MAP7D2: variants seen among roughly 807,000 people sequenced by gnomAD.
The protein encoded by MAP7D2 is MAP7 domain containing 2.
In MAP7D2, 33 loss-of-function variants were observed where a neutral mutation model predicts 63.5. The observed-to-expected ratio is 0.52, with a 90% CI of 0.39 to 0.70. The LOEUF is 0.70. Among genes scored for constraint, MAP7D2 ranks in the 30% least tolerant of loss-of-function variants. The pLI, the probability that MAP7D2 is intolerant of heterozygous loss-of-function variation, is 0.00. For missense variants in MAP7D2, 626 were observed against 604.0 expected, an observed-to-expected ratio of 1.04 and a Z score of -0.38; for synonymous variants, 224 against 223.7, an observed-to-expected ratio of 1.00 and a Z score of -0.01.
At chrX:20,026,157 G>A (rs1004012512) in intron 8 of MAP7D2, among the ~76,000 whole-genome samples, 14 of 110,986 alleles carry the variant, frequency 1.3e-4, no homozygotes, top group African/African-American at 4.6e-4. Context: ...TGGTGGAAAG[G>A]GAAACATTTT....
In MAP7D2 at chrX:20,044,409, T is replaced by C. The variant is rs753622811; in HGVS notation, c.834A>G (p.Ala278=). 1.2e-5 allele frequency: 15 copies of C among 1,211,542 alleles called. No individual in the cohort carries two copies. The highest frequency in any genetic ancestry group is 2.3e-4 in the Middle Eastern group (1 of 4,352). The part of the protein sequence containing the change: ...KKATSTSTSG[A]GDVGKEALSG... The stretch of plus-strand genomic sequence containing the variant: ...AAAGGGCTTCTTTCCCAACATCTCC[T>C]GCACCAGATGTAGACGTAGATGTAG... The change falls in exon 7 of 17, where the codon GCA becomes GCG. Residue 278 remains alanine (A), a synonymous_variant. Coordinates refer to ENST00000379643, the MANE Select transcript of MAP7D2 (RefSeq NM_001168465.2).
intron 1 of MAP7D2, among the ~76,000 whole-genome samples, chrX:20,071,978 T>C (rs2065514715): frequency 9.0e-6 from 1 of 110,925 alleles, no homozygotes; most frequent in Non-Finnish European, 1.9e-5. Flanking sequence ...ATTTGACCCT[T>C]GTCCTCTAAA....
chrX:20,025,417 A>G (rs2073804742), intron 9 of MAP7D2, among the ~76,000 whole-genome samples: 2 of 112,159 alleles, frequency 1.8e-5, no homozygotes, highest in Admixed American at 1.9e-4. Flanking sequence ...CGTGAGGTGC[A>G]GATGCAGGCC....
chrX:20,055,747 G>T, intron 4 of MAP7D2: 1 of 993,957 alleles, frequency 1.0e-6, no homozygotes, highest in Non-Finnish European at 1.3e-6. Context: ...TGGTGGACTC[G>T]GCAGCTGCGG....
intron 1 of MAP7D2, among the ~76,000 whole-genome samples, chrX:20,099,533 C>G (rs1174807696): frequency 8.9e-6 from 1 of 111,995 alleles, no homozygotes; most frequent in East Asian, 2.8e-4. Context: ...TCTGTGCCCA[C>G]CATCCTGTGT....
intron 8 of MAP7D2, among the ~76,000 whole-genome samples, chrX:20,041,064 A>G (rs1053174226): frequency 2.5e-4 from 28 of 111,962 alleles, no homozygotes; most frequent in African/African-American, 9.1e-4. Flanking sequence ...CTTGCAAGCT[A>G]GTATCCCTGC....
At position 20,012,447 on chromosome X, in the gene MAP7D2, C is replaced by T; in HGVS notation, c.1974G>A (p.Gly658=). 8.3e-7 allele frequency: 1 copy of T among 1,209,035 alleles called. No homozygotes were observed. Among genetic ancestry groups the T allele is most frequent in the Non-Finnish European group, 1.1e-6 (1 of 893,700 alleles). ...GAATGAGTCCCCCAGCTGGCTTAAG[C>T]CCATTAGAGAAAATGTCTTGGGGAT... The part of the protein sequence containing the change: ...ETYPQDIFSN[G]LKPAGGLIHL... The change falls in exon 15 of 17, where the codon GGG becomes GGA. Residue 658 remains glycine (G), a synonymous_variant. Coordinates refer to ENST00000379643, the MANE Select transcript of MAP7D2 (RefSeq NM_001168465.2).
Position 20,020,034 on chromosome X carries a change from T to C in MAP7D2, c.1413-3709A>G, listed in dbSNP as rs774990763. ...TGGACACAGTCCCAATTACCACTTTTCTCAATCTTCGTCATCTTCCTTAGT... is the reference window on the plus strand; with the variant it reads ...TGGACACAGTCCCAATTACCACTTTCCTCAATCTTCGTCATCTTCCTTAGT... On this transcript the variant is annotated intron_variant, in intron 10 of 16. Coordinates refer to ENST00000379643, the MANE Select transcript of MAP7D2 (RefSeq NM_001168465.2). Among the ~76,000 whole-genome samples, 3 of 112,201 alleles carry C rather than the reference T, an allele frequency of 2.7e-5. No homozygotes were observed. The East Asian group carries it at 8.3e-4, about 31-fold the overall frequency.
intron 1 of MAP7D2, among the ~76,000 whole-genome samples, chrX:20,101,069 A>C (rs184560069): frequency 9.0e-6 from 1 of 111,266 alleles, no homozygotes; most frequent in East Asian, 2.8e-4. Flanking sequence ...GGAAAGGACA[A>C]GGAAACAGAT....
rs960065702 is a variant in MAP7D2, at chrX:20,090,024, A to G, written c.131-25219T>C. Among the ~76,000 whole-genome samples the G allele has an allele frequency of 4.5e-5, 5 of 111,568 alleles. No homozygotes were observed. In the Admixed American group the frequency reaches 4.8e-4, roughly 11 times the overall value. On this transcript the variant is annotated intron_variant, in intron 1 of 16. Transcript: ENST00000379643. ...ATTCCCTTTTGCCTCTTTACAGTCA[A>G]TTCTATGCTATTTACAATGCTGGCT...
At chrX:20,101,407 T>C (rs1053212444) in intron 1 of MAP7D2, among the ~76,000 whole-genome samples, 1 of 112,216 alleles carries the variant, frequency 8.9e-6, no homozygotes, top group African/African-American at 3.2e-5. Flanking sequence ...CGATAAAAAC[T>C]AGAAACAAGC....
At position 20,026,593 on chromosome X, in the gene MAP7D2, G is replaced by A. The variant is rs1217716692; in HGVS notation, c.1008-641C>T. On this transcript the variant is annotated intron_variant, in intron 8 of 16. Transcript: ENST00000379643. Reference sequence around the variant, plus strand: ...TAAATGCCAAGGAACACAGCCAAGAGATGGGGATGGGGGGTGTTTTTTGGA... The same window carrying A: ...TAAATGCCAAGGAACACAGCCAAGAAATGGGGATGGGGGGTGTTTTTTGGA... 2.7e-5 allele frequency among the ~76,000 whole-genome samples: 3 copies of A among 112,359 alleles called. No homozygotes were observed. In the Admixed American group the frequency reaches 2.8e-4, roughly 11 times the overall value.
intron 1 of MAP7D2, among the ~76,000 whole-genome samples, chrX:20,066,058 G>A (rs779936824): frequency 9.1e-6 from 1 of 109,974 alleles, no homozygotes; most frequent in East Asian, 2.9e-4. Context: ...GAGTAGCTGG[G>A]ACTACAGGCG....
At chrX:20,094,923 A>G (rs1021003598) in intron 1 of MAP7D2, among the ~76,000 whole-genome samples, 5 of 109,037 alleles carry the variant, frequency 4.6e-5, no homozygotes, top group African/African-American at 1.7e-4. Context: ...GCCACTTTCT[A>G]GATTCTCCCT....
At position 20,056,809 on chromosome X, in the gene MAP7D2, G is replaced by A; in HGVS notation, c.373-18C>T. 4 of 1,193,649 alleles carry A rather than the reference G, an allele frequency of 3.4e-6. No homozygotes were observed. Among genetic ancestry groups the A allele is most frequent in the Non-Finnish European group, 4.5e-6 (4 of 880,843 alleles). On this transcript the variant is annotated intron_variant, in intron 3 of 16. Coordinates refer to ENST00000379643, the MANE Select transcript of MAP7D2 (RefSeq NM_001168465.2). The stretch of plus-strand genomic sequence containing the variant: ...AGCCGTTCCTACACAGTTCGTGTAA[G>A]GCAAGTGTTAACAAGATTAACTACC...
At chrX:20,111,300 A>G (rs898509593) in intron 1 of MAP7D2, among the ~76,000 whole-genome samples, 2 of 112,010 alleles carry the variant, frequency 1.8e-5, no homozygotes, top group Non-Finnish European at 3.8e-5. Flanking sequence ...GGAAGCTAAA[A>G]TGAACATGTG....
intron 8 of MAP7D2, among the ~76,000 whole-genome samples, chrX:20,038,869 A>G (rs1603366232): frequency 8.9e-6 from 1 of 112,224 alleles, no homozygotes; most frequent in Admixed American, 9.5e-5. Flanking sequence ...TGGAGGTAAG[A>G]AAGAGTATGC....
At chrX:20,015,984 TAAG>T in intron 11 of MAP7D2, 107 bp downstream of exon 11, 2 of 705,432 alleles carry the variant, frequency 2.8e-6, no homozygotes, top group Non-Finnish European at 4.3e-6. Flanking sequence ...CCAGACAGTT[TAAG>T]AAGAAACTTC....
intron 8 of MAP7D2, among the ~76,000 whole-genome samples, chrX:20,032,730 CA>C (rs2074092262): frequency 1.8e-5 from 2 of 112,205 alleles, no homozygotes; most frequent in South Asian, 7.4e-4. Flanking sequence ...TCCCATCCCA[CA>C]AGATCTTATC....
Sources: allele counts gnomAD v4.1 joint callset (sites outside exome capture counted in the v4.1 genomes callset), GRCh38; gene constraint gnomAD v4.1.1; transcripts MANE v1.5; gene names NCBI Gene and HGNC (gene_info 2026-07-23, HGNC 2026-07-21).